SENP6: variants seen among roughly 807,000 people sequenced by gnomAD.
SENP6 encodes sentrin-specific protease 6.
In SENP6, 41 loss-of-function variants were observed where a neutral mutation model predicts 134.5. The observed-to-expected ratio is 0.30, with a 90% CI of 0.24 to 0.40. The LOEUF (loss-of-function observed/expected upper bound fraction) is 0.40, where lower values mean the gene tolerates loss of function less well. SENP6 is among the 10% of genes least tolerant of loss of function. SENP6 has a pLI of 1.00. For missense variants in SENP6, 1,248 were observed against 1,312.5 expected (o/e 0.95, Z 0.76); for synonymous variants, 395 against 429.8 (o/e 0.92, Z 1.00).
intron 1 of SENP6, among the ~76,000 whole-genome samples, chr6:75,619,487 A>C (rs191661133): frequency 3.4e-4 from 52 of 151,324 alleles, no homozygotes. Context: ...ATATGTACAC[A>C]CATACTGTAT....
At chr6:75,615,460 A>G (rs1268255863) in intron 1 of SENP6, among the ~76,000 whole-genome samples, 2 of 152,304 alleles carry the variant, frequency 1.3e-5, no homozygotes, top group Admixed American at 1.3e-4. Context: ...GATTACAGGC[A>G]TGAGCCACTG....
intron 20 of SENP6, 108 bp from the exon 21 acceptor site, chr6:75,711,220 G>T (rs545139946): frequency 1.4e-6 from 1 of 689,824 alleles, no homozygotes; most frequent in Admixed American, 2.9e-5. Context: ...TAGAGAAAAA[G>T]TTTTGACAAT....
In SENP6 at chr6:75,652,624, G is replaced by T. The variant is rs941659835; in HGVS notation, c.550+4823G>T. 3.7e-4 allele frequency among the ~76,000 whole-genome samples: 50 copies of T among 135,798 alleles called. 2 individuals carry two copies. The highest frequency in any genetic ancestry group is 7.6e-5 in the Non-Finnish European group (5 of 65,716). 89.1% of individuals were successfully genotyped at this position (135,798 alleles called of 152,430 possible). On this transcript the variant is annotated intron_variant, in intron 7 of 23. Coordinates refer to ENST00000447266, the MANE Select transcript of SENP6 (RefSeq NM_015571.4). The stretch of plus-strand genomic sequence containing the variant: ...GGCCGAGGCAGGTGGATCGCTTGAG[G>T]TCAGGAGTTTGAAACCAGTCTGGCC...
At chr6:75,695,628 T>G (rs1464825323) in intron 16 of SENP6, among the ~76,000 whole-genome samples, 176 bp from the exon 17 acceptor site, 1 of 152,120 alleles carries the variant, frequency 6.6e-6, no homozygotes, top group African/African-American at 2.4e-5. Context: ...TCCCAGCTAC[T>G]TGGGAGGCTG....
chr6:75,629,202 T>C (rs1227248114), intron 3 of SENP6, among the ~76,000 whole-genome samples: 3 of 152,238 alleles, frequency 2.0e-5, no homozygotes, highest in African/African-American at 7.2e-5. Context: ...TAGGTTTCTT[T>C]GTTTTGTTTT....
chr6:75,641,450 A>G (rs1365195463), intron 6 of SENP6, among the ~76,000 whole-genome samples: 1 of 152,202 alleles, frequency 6.6e-6, no homozygotes, highest in East Asian at 1.9e-4. Context: ...GCTTAGAGTT[A>G]AAACTTTAAA....
intron 10 of SENP6, among the ~76,000 whole-genome samples, chr6:75,670,185 G>T (rs1314149017): frequency 6.6e-6 from 1 of 152,098 alleles, no homozygotes; most frequent in East Asian, 1.9e-4. Flanking sequence ...GACCTCAGAT[G>T]ATCCGCCCAT....
intron 16 of SENP6, among the ~76,000 whole-genome samples, chr6:75,693,930 A>G (rs1774473030): frequency 2.6e-5 from 4 of 152,090 alleles, no homozygotes; most frequent in Admixed American, 2.0e-4. Context: ...TTGTTTTGCT[A>G]TAGATGTATA....
intron 3 of SENP6, among the ~76,000 whole-genome samples, chr6:75,631,516 G>A (rs188885509): frequency 6.6e-6 from 1 of 152,306 alleles, no homozygotes; most frequent in Admixed American, 6.5e-5. Context: ...TCTATTGTCT[G>A]TTAGCTACAG....
intron 2 of SENP6, 34 bp from the exon 3 acceptor site, chr6:75,623,866 T>G: frequency 6.5e-7 from 1 of 1,540,664 alleles, no homozygotes; most frequent in Non-Finnish European, 8.9e-7. Flanking sequence ...TTGTGATTGC[T>G]ACTTATGTTT....
intron 1 of SENP6, among the ~76,000 whole-genome samples, chr6:75,607,676 C>G (rs1400208130): frequency 6.6e-6 from 1 of 152,000 alleles, no homozygotes; most frequent in African/African-American, 2.4e-5. Flanking sequence ...TCATTTCAGC[C>G]TGTCTTCCTT....
At chr6:75,663,807 G>GTTT (rs1562021564) in intron 9 of SENP6, among the ~76,000 whole-genome samples, 6 of 13,570 alleles carry the variant, frequency 4.4e-4, no homozygotes, top group African/African-American at 7.5e-4. Context: ...GCTGATAGTG[G>GTTT]GTTTTTTTTT....
intron 1 of SENP6, among the ~76,000 whole-genome samples, chr6:75,604,563 C>T (rs1766883085): frequency 2.0e-5 from 3 of 149,560 alleles, no homozygotes; most frequent in Admixed American, 2.0e-4. Flanking sequence ...AAACGGGAGG[C>T]AGAGGTTGCA....
At chr6:75,624,703 C>G (rs144384844) in intron 3 of SENP6, among the ~76,000 whole-genome samples, 2 of 152,180 alleles carry the variant, frequency 1.3e-5, no homozygotes, top group African/African-American at 2.4e-5. Context: ...GCCCATTTTT[C>G]TATCTGGTCT....
At chr6:75,663,561 T>C (rs370858820) in intron 9 of SENP6, 43 bp downstream of exon 9, 12 of 1,442,512 alleles carry the variant, frequency 8.3e-6, no homozygotes, top group Non-Finnish European at 1.1e-5. Flanking sequence ...ATCAATCCAG[T>C]ATTTTTCAGA....
chr6:75,688,836 G>A (rs1469082829), intron 16 of SENP6, among the ~76,000 whole-genome samples: 10 of 152,200 alleles, frequency 6.6e-5, no homozygotes, highest in Non-Finnish European at 1.3e-4. Context: ...GGGAAGCCGA[G>A]GCAGGTGGAT....
At chr6:75,660,412 C>T (rs1771681723) in intron 8 of SENP6, among the ~76,000 whole-genome samples, 1 of 152,096 alleles carries the variant, frequency 6.6e-6, no homozygotes, top group Non-Finnish European at 1.5e-5. Context: ...TCATTTATAT[C>T]AGCATGTACA....
intron 9 of SENP6, among the ~76,000 whole-genome samples, chr6:75,666,231 AAT>A (rs869261628): frequency 2.1e-5 from 3 of 143,486 alleles, no homozygotes; most frequent in Admixed American, 7.1e-5. Flanking sequence ...ATATATATAA[AAT>A]ATGATATATA....
In SENP6 at chr6:75,633,839, G is replaced by T. The variant is rs1042425429; in HGVS notation, c.353+113G>T. 7 of 805,968 alleles carry T rather than the reference G, an allele frequency of 8.7e-6. No homozygotes were observed. The African/African-American group carries it at 1.3e-4, about 15-fold the overall frequency. 49.9% of individuals were successfully genotyped at this position (805,968 alleles called of 1,614,324 possible). On this transcript the variant is annotated intron_variant, in intron 4 of 23. Transcript: ENST00000447266. Reference sequence around the variant, plus strand: ...ACCTTTTCTTCTGAATTTGTCTATAGGGCCAAGAGGTAGCATGGTCCCAGT... The same window carrying T: ...ACCTTTTCTTCTGAATTTGTCTATATGGCCAAGAGGTAGCATGGTCCCAGT...
Sources: allele counts gnomAD v4.1 joint callset (sites outside exome capture counted in the v4.1 genomes callset), GRCh38; gene constraint gnomAD v4.1.1; transcripts MANE v1.5; gene names NCBI Gene and HGNC (gene_info 2026-07-23, HGNC 2026-07-21).